Variants in KDM2B observed in about 807,000 individuals in gnomAD.
KDM2B encodes the protein lysine demethylase 2B, also known as lysine-specific demethylase 2B.
In KDM2B, 26 loss-of-function variants were observed where a neutral mutation model predicts 150.0. That is an observed-to-expected ratio of 0.17 (90% CI 0.13 to 0.24). KDM2B has a LOEUF of 0.24. Ranked by LOEUF, KDM2B falls within the 10% of genes least tolerant of loss-of-function variation. The pLI is 1.00. For missense variants in KDM2B, 1,265 were observed against 1,816.9 expected (o/e 0.70, Z 5.52); for synonymous variants, 734 against 729.5 (o/e 1.01, Z -0.10).
At chr12:121,509,178 C>T (rs1885359973) in intron 11 of KDM2B, among the ~76,000 whole-genome samples, 1 of 152,290 alleles carries the variant, frequency 6.6e-6, no homozygotes, top group South Asian at 2.1e-4. Flanking sequence ...TCTGCCTCAG[C>T]CTCCCAAGTA....
chr12:121,491,831 A>C (rs1443454279), intron 12 of KDM2B, among the ~76,000 whole-genome samples: 4 of 151,444 alleles, frequency 2.6e-5, no homozygotes, highest in East Asian at 3.9e-4. Context: ...GAAGAAGATA[A>C]TCAAAGAATT....
chr12:121,490,125 G>T (rs1021417802), intron 12 of KDM2B, among the ~76,000 whole-genome samples: 1 of 152,196 alleles, frequency 6.6e-6, no homozygotes, highest in Non-Finnish European at 1.5e-5. Context: ...GACGGAGCAG[G>T]CCTCTGGGAT....
Position 121,431,879 on chromosome 12 carries a change from C to CTTT in KDM2B, c.3830-1413_3830-1411dup, listed in dbSNP as rs77237915. Among the ~76,000 whole-genome samples the CTTT allele has an allele frequency of 3.4e-3, 415 of 122,372 alleles. 8 individuals carry two copies. Among genetic ancestry groups the CTTT allele is most frequent in the Admixed American group, 0.018 (198 of 11,030 alleles). The allele number at this position is 122,372 out of a possible 152,430, so 80.3% of individuals were successfully genotyped here. Reference sequence around the variant, plus strand: ...GTTTTCATGGGTTTTTTTCTTTTTTCTTTTTTTTTTTTTTTTTGGAGATGA... The same window carrying CTTT: ...GTTTTCATGGGTTTTTTTCTTTTTTCTTTTTTTTTTTTTTTTTTTTGGAGATGA... On this transcript the variant is annotated intron_variant, in intron 22 of 22. Transcript: ENST00000377071.
chr12:121,465,365 CTGGGATTAAAGGCACCGG>C (rs1566299357), intron 12 of KDM2B, among the ~76,000 whole-genome samples: 1 of 152,198 alleles, frequency 6.6e-6, no homozygotes, highest in Non-Finnish European at 1.5e-5. Context: ...TCCTGATTAG[CTGGGATTAAAGGCACCGG>C]CCACCACGCC....
At position 121,453,393 on chromosome 12, in the gene KDM2B, GCCAGAC is replaced by G; in HGVS notation, c.1735-55_1735-50del. Reference sequence around the variant, plus strand: ...GTCAGATGGGGAGACTGCAGGCACGGCCAGACCCCCGGAAAGGGTGTTAGGGAGCAA... The same window carrying G: ...GTCAGATGGGGAGACTGCAGGCACGGCCCCGGAAAGGGTGTTAGGGAGCAA... On this transcript the variant is annotated intron_variant, in intron 12 of 22. Coordinates refer to ENST00000377071, the MANE Select transcript of KDM2B (RefSeq NM_032590.5). The surrounding 1 kb of genome is among the most constrained non-coding windows in gnomAD (Gnocchi z 6.4). The G allele has an allele frequency of 6.9e-7, 1 of 1,444,286 alleles. No individual in the cohort carries two copies. The highest frequency in any genetic ancestry group is 9.4e-7 in the Non-Finnish European group (1 of 1,067,290). 89.5% of individuals were successfully genotyped at this position (1,444,286 alleles called of 1,614,324 possible).
chr12:121,576,608 G>C (rs944365046), intron 2 of KDM2B, among the ~76,000 whole-genome samples: 2 of 152,078 alleles, frequency 1.3e-5, no homozygotes, highest in African/African-American at 2.4e-5. Flanking sequence ...GGTTTTTCTA[G>C]TACAGTCCCC....
At chr12:121,498,045 G>A (rs1884157965) in intron 11 of KDM2B, among the ~76,000 whole-genome samples, 1 of 152,050 alleles carries the variant, frequency 6.6e-6, no homozygotes, top group African/African-American at 2.4e-5. Context: ...GTAGCGGGCC[G>A]AGACCATGCC....
Position 121,516,376 on chromosome 12 carries a change from G to C in KDM2B, c.1048-2974C>G. 4.0e-6 allele frequency: 3 copies of C among 754,740 alleles called. No homozygotes were observed. The South Asian group carries it at 4.7e-5, about 12-fold the overall frequency. The allele number at this position is 754,740 out of a possible 1,614,324, so 46.8% of individuals were successfully genotyped here. A position where few individuals can be genotyped will look rare whatever the true frequency, so the allele number is the denominator to read the frequency against. ...GGAAACCAGCTGGGTGAAAACAAAT[G>C]CTGATGAAGGAATTCAAATTTTTAT... On this transcript the variant is annotated intron_variant, in intron 9 of 22. Coordinates refer to ENST00000377071, the MANE Select transcript of KDM2B (RefSeq NM_032590.5).
chr12:121,449,716 T>C (rs1555291138), intron 13 of KDM2B, among the ~76,000 whole-genome samples: 1 of 152,224 alleles, frequency 6.6e-6, no homozygotes, highest in Admixed American at 6.5e-5. Context: ...TTTTAAATTC[T>C]ATAGGATCCA....
intron 4 of KDM2B, among the ~76,000 whole-genome samples, chr12:121,572,821 AAT>A (rs1491358822): frequency 4.7e-5 from 6 of 126,722 alleles, no homozygotes; most frequent in African/African-American, 1.8e-4. Context: ...CACCTGGATA[AAT>A]TTTTTTTTTT....
In KDM2B at chr12:121,533,762, G is replaced by A. The variant is rs1887854077; in HGVS notation, c.777+735C>T. 6.6e-6 allele frequency among the ~76,000 whole-genome samples: 1 copy of A among 151,652 alleles called. No individual in the cohort carries two copies. Among genetic ancestry groups the A allele is most frequent in the Non-Finnish European group, 1.5e-5 (1 of 67,954 alleles). On this transcript the variant is annotated intron_variant, in intron 7 of 22. Coordinates refer to ENST00000377071, the MANE Select transcript of KDM2B (RefSeq NM_032590.5). The surrounding 1 kb of genome is among the most constrained non-coding windows in gnomAD (Gnocchi z 4.1). The stretch of plus-strand genomic sequence containing the variant: ...CAGGCCTGCATGGGTGACTAGATGC[G>A]ATGTAAAAGGGCTGAACTTGACCTT...
rs782655413 is a variant in KDM2B at position 121,442,720 on chromosome 12, G to A, written c.2721C>T (p.Ser907=). 2.5e-6 allele frequency: 4 copies of A among 1,569,324 alleles called. No homozygotes were observed. The highest frequency in any genetic ancestry group is 1.2e-5 in the South Asian group (1 of 84,480). Residue 907 remains serine, a synonymous_variant, in exon 19 of 23, where the codon AGC becomes AGT. Transcript: ENST00000377071. The surrounding 1 kb of genome is among the most constrained non-coding windows in gnomAD (Gnocchi z 7.7). ...LPEAPPKTRE[S]DHSRSSSPTA... ...TGGGGGAGCTGGAGCGGGAGTGGTC[G>A]CTCTCCCTGGTCTTGGGGGGCGCCT...
intron 8 of KDM2B, among the ~76,000 whole-genome samples, chr12:121,522,129 G>A (rs548074215): frequency 2.0e-5 from 3 of 151,738 alleles, no homozygotes; most frequent in South Asian, 2.1e-4. Context: ...AAGAAGAAAC[G>A]ATAATAGAGG....
Position 121,429,746 on chromosome 12 carries a change from TC to T in KDM2B, c.*541del. 1 of 470,454 alleles carries T rather than the reference TC, an allele frequency of 2.1e-6. No homozygotes were observed. Among genetic ancestry groups the T allele is most frequent in the Non-Finnish European group, 3.7e-6 (1 of 267,970 alleles). The allele number at this position is 470,454 out of a possible 1,614,324, so 29.1% of individuals were successfully genotyped here. A position where few individuals can be genotyped will look rare whatever the true frequency, so the allele number is the denominator to read the frequency against. ...AAGGAAATCAGGAAAATTGGCAATC[TC>T]AAAACAATAAAAACACTGGTATGCA... On this transcript the variant is annotated 3_prime_UTR_variant, in exon 23 of 23. Coordinates refer to ENST00000377071, the MANE Select transcript of KDM2B (RefSeq NM_032590.5).
intron 10 of KDM2B, among the ~76,000 whole-genome samples, chr12:121,512,035 T>A (rs1555304110): frequency 1.3e-5 from 2 of 152,168 alleles, no homozygotes; most frequent in African/African-American, 4.8e-5. Context: ...CTGCCCTAAA[T>A]GTCCAAGTGA....
At chr12:121,416,420 C>T in the KDM2B span, 3 of 1,281,080 alleles carry the variant, frequency 2.3e-6, no homozygotes, top group East Asian at 7.0e-5. Flanking sequence ...CATGGGTCAG[C>T]ATTCTTGATT....
chr12:121,427,455 T>C (rs560451344), downstream of KDM2B, among the ~76,000 whole-genome samples: 1 of 152,094 alleles, frequency 6.6e-6, no homozygotes, highest in East Asian at 1.9e-4. Flanking sequence ...GGCAGGAGAA[T>C]TGCTTGAACC....
intron 12 of KDM2B, among the ~76,000 whole-genome samples, chr12:121,456,592 T>C (rs1555292815): frequency 6.6e-6 from 1 of 152,034 alleles, no homozygotes; most frequent in Non-Finnish European, 1.5e-5. Context: ...CTGAAAAAAT[T>C]CCAGGAGTTC....
At chr12:121,526,039 A>G (rs186048552) in intron 8 of KDM2B, among the ~76,000 whole-genome samples, 201 of 152,268 alleles carry the variant, frequency 1.3e-3, no homozygotes, top group Non-Finnish European at 2.2e-3. Flanking sequence ...ATCTGGCACC[A>G]AGTGGGCCCT....
Sources: gnomAD v4.1 joint callset for allele counts (sites outside exome capture counted in the v4.1 genomes callset) on GRCh38, gnomAD v4.1.1 for gene constraint, Gnocchi (gnomAD v3.1) non-coding constraint, MANE v1.5 for transcripts, NCBI Gene and HGNC (gene_info 2026-07-23, HGNC 2026-07-21) for gene names.